The following CADPS variants were observed in gnomAD, a reference collection of about 807,000 sequenced individuals.
CADPS encodes the protein calcium-dependent secretion activator 1.
Under a neutral mutation model 167.3 loss-of-function variants are expected in CADPS, and 57 were observed. That is an observed-to-expected ratio of 0.34 (90% CI 0.28 to 0.42). The LOEUF is 0.42. Ranked by LOEUF, CADPS falls within the 20% of genes least tolerant of loss-of-function variation. The pLI is 1.00. For missense variants in CADPS, 1,414 were observed against 1,738.1 expected (o/e 0.81, Z 3.32); for synonymous variants, 676 against 635.3 (o/e 1.06, Z -0.96).
chr3:62,759,377 A>T (rs1291066388), intron 2 of CADPS, among the ~76,000 whole-genome samples: 1 of 152,186 alleles, frequency 6.6e-6, no homozygotes, highest in Non-Finnish European at 1.5e-5. Flanking sequence ...AATATCATGC[A>T]GCCATGAAAA....
intron 5 of CADPS, among the ~76,000 whole-genome samples, chr3:62,648,994 TGTGA>T (rs763757500): frequency 2.0e-5 from 3 of 152,188 alleles, no homozygotes; most frequent in South Asian, 2.1e-4. Flanking sequence ...AAAACACTAA[TGTGA>T]GTATCTCCAT....
intron 1 of CADPS, among the ~76,000 whole-genome samples, chr3:62,827,569 T>A (rs566953465): frequency 6.6e-6 from 1 of 152,178 alleles, no homozygotes; most frequent in Non-Finnish European, 1.5e-5. Context: ...TCCTAGCAGT[T>A]ATGCTGTGTA....
intron 2 of CADPS, among the ~76,000 whole-genome samples, chr3:62,756,558 G>A (rs1203660848): frequency 1.3e-5 from 2 of 152,140 alleles, no homozygotes; most frequent in African/African-American, 4.8e-5. Context: ...AGCTCTCATG[G>A]AGTCCAACTG....
intron 1 of CADPS, among the ~76,000 whole-genome samples, chr3:62,820,135 G>T (rs945126646): frequency 1.3e-5 from 2 of 152,068 alleles, no homozygotes; most frequent in African/African-American, 4.8e-5. Flanking sequence ...AAAGCCCAAT[G>T]ATCCTGAACA....
chr3:62,555,957 T>C (rs1386556505), intron 10 of CADPS, among the ~76,000 whole-genome samples: 2 of 152,136 alleles, frequency 1.3e-5, no homozygotes, highest in Non-Finnish European at 2.9e-5. Context: ...TCTGGCTTTG[T>C]TGCCCAGGCT....
chr3:62,765,195 T>G (rs890865510), intron 2 of CADPS, among the ~76,000 whole-genome samples: 3 of 152,200 alleles, frequency 2.0e-5, no homozygotes, highest in African/African-American at 7.2e-5. Context: ...ATAGCCAATA[T>G]GCACACTGAG....
At chr3:62,402,742 A>T (rs1020883681) in intron 29 of CADPS, among the ~76,000 whole-genome samples, 1 of 152,250 alleles carries the variant, frequency 6.6e-6, no homozygotes, top group African/African-American at 2.4e-5. Context: ...ACTATAAATG[A>T]AATTGGTAAT....
chr3:62,430,467 G>A (rs2053694118), intron 28 of CADPS, among the ~76,000 whole-genome samples: 1 of 152,108 alleles, frequency 6.6e-6, no homozygotes, highest in African/African-American at 2.4e-5. Context: ...GTTAGAGAAA[G>A]CATGAAGACA....
chr3:62,751,651 C>G (rs1017243497), intron 3 of CADPS, among the ~76,000 whole-genome samples: 1 of 152,100 alleles, frequency 6.6e-6, no homozygotes, highest in African/African-American at 2.4e-5. Flanking sequence ...GAACTCCTGA[C>G]CTCAGGTAAT....
chr3:62,801,252 T>A (rs2152806358), intron 1 of CADPS, among the ~76,000 whole-genome samples: 1 of 152,280 alleles, frequency 6.6e-6, no homozygotes, highest in African/African-American at 2.4e-5. Context: ...ATGCAAGAAT[T>A]TTTTGGCAGA....
intron 3 of CADPS, among the ~76,000 whole-genome samples, chr3:62,682,572 T>A (rs1459444292): frequency 1.3e-5 from 2 of 152,068 alleles, no homozygotes; most frequent in East Asian, 3.9e-4. Context: ...TGAACAGAAT[T>A]GAAAGCTGAG....
At chr3:62,756,118 A>T (rs1575918651) in intron 2 of CADPS, among the ~76,000 whole-genome samples, 1 of 149,622 alleles carries the variant, frequency 6.7e-6, no homozygotes, top group South Asian at 2.1e-4. Flanking sequence ...CAGTGGTGCG[A>T]TCTTGGCTCA....
chr3:62,526,691 C>A (rs1191439804), intron 13 of CADPS, among the ~76,000 whole-genome samples: 2 of 152,198 alleles, frequency 1.3e-5, no homozygotes, highest in Non-Finnish European at 2.9e-5. Context: ...ATGCAACCAG[C>A]TGAGCATACT....
intron 10 of CADPS, among the ~76,000 whole-genome samples, chr3:62,555,737 A>C (rs1030099197): frequency 2.0e-5 from 3 of 152,038 alleles, no homozygotes; most frequent in African/African-American, 7.2e-5. Context: ...AAAATTTATT[A>C]TTCTTTACAA....
intron 29 of CADPS, among the ~76,000 whole-genome samples, chr3:62,401,263 G>C (rs1325228984): frequency 1.3e-5 from 2 of 152,044 alleles, no homozygotes; most frequent in Non-Finnish European, 2.9e-5. Context: ...TTGCCACTTA[G>C]AATAACATAA....
chr3:62,626,013 A>G (rs1397458435), intron 6 of CADPS: 1 of 151,352 alleles, frequency 6.6e-6, no homozygotes, highest in African/African-American at 2.5e-5. Context: ...TCAAATAAAC[A>G]ATTTATTCAT....
intron 1 of CADPS, among the ~76,000 whole-genome samples, chr3:62,860,578 A>C (rs769173318): frequency 6.6e-5 from 10 of 152,136 alleles, no homozygotes; most frequent in South Asian, 2.1e-4. Context: ...GGACTTGCAC[A>C]GTTCAAACCC....
At chr3:62,739,414 C>T (rs2079702393) in intron 3 of CADPS, among the ~76,000 whole-genome samples, 1 of 152,170 alleles carries the variant, frequency 6.6e-6, no homozygotes, top group South Asian at 2.1e-4. Context: ...ACACATGTTT[C>T]TTGTTTTAAG....
intron 1 of CADPS, among the ~76,000 whole-genome samples, chr3:62,828,825 C>T (rs986713084): frequency 6.6e-6 from 1 of 152,176 alleles, no homozygotes; most frequent in Non-Finnish European, 1.5e-5. Context: ...GGACCCAATT[C>T]TACCAATAAA....
Sources: gnomAD v4.1 joint callset for allele counts (sites outside exome capture counted in the v4.1 genomes callset) on GRCh38, gnomAD v4.1.1 for gene constraint, MANE v1.5 for transcripts, NCBI Gene and HGNC (gene_info 2026-07-23, HGNC 2026-07-21) for gene names.